LUZP1: variants seen among roughly 807,000 people sequenced by gnomAD.
LUZP1 encodes filamin mechanobinding actin cross-linking protein.
LUZP1 carries 25 observed loss-of-function variants against 71.3 expected under a neutral mutation model. The observed-to-expected ratio is 0.35, with a 90% CI of 0.26 to 0.49. The LOEUF is 0.49. Among genes scored for constraint, LUZP1 ranks in the 20% least tolerant of loss-of-function variants. The probability of loss-of-function intolerance (pLI) is 0.99; values close to 1 mark genes in which losing one functional copy is unlikely to be tolerated. For missense variants in LUZP1, 1,142 were observed against 1,300.8 expected (o/e 0.88, Z 1.88); for synonymous variants, 481 against 506.4 (o/e 0.95, Z 0.67).
chr1:23,165,359 CT>C (rs113145677), intron 2 of LUZP1, among the ~76,000 whole-genome samples: 726 of 140,360 alleles, frequency 5.2e-3, no homozygotes, highest in Admixed American at 5.1e-3. Flanking sequence ...CTCAATAAAG[CT>C]TTTTTTTTTT....
exon 5 of LUZP1, chr1:23,088,959 T>C (rs1339215388): frequency 1.2e-6 from 2 of 1,614,048 alleles, no homozygotes; most frequent in African/African-American, 2.7e-5. Context: ...TCGCCCAGAC[T>C]CTGGCAGCCC....
intron 2 of LUZP1, among the ~76,000 whole-genome samples, chr1:23,120,053 C>A (rs899369720): frequency 1.3e-5 from 2 of 151,922 alleles, no homozygotes; most frequent in African/African-American, 2.4e-5. Flanking sequence ...GCAAATCCTC[C>A]CCGCTCAGCT....
At chr1:23,162,335 T>C (rs1279571427) in intron 2 of LUZP1, among the ~76,000 whole-genome samples, 7 of 152,232 alleles carry the variant, frequency 4.6e-5, no homozygotes, top group African/African-American at 1.7e-4. Context: ...TACATGGGTA[T>C]ATTCAGTTTG....
chr1:23,123,269 G>C (rs923103011), intron 2 of LUZP1, among the ~76,000 whole-genome samples: 2 of 152,018 alleles, frequency 1.3e-5, no homozygotes, highest in Non-Finnish European at 2.9e-5. Flanking sequence ...CGAGGCGGGG[G>C]GATCCCGAGG....
rs938965704 is a variant in LUZP1 at position 23,161,387 on chromosome 1, T to C, written c.-226+7379A>G. Reference sequence around the variant, plus strand: ...ATAAGCTCAGGCATGAAGGCAGCCATGCAAAGAGCAGGGAAAAGAAGTGTT... The same window carrying C: ...ATAAGCTCAGGCATGAAGGCAGCCACGCAAAGAGCAGGGAAAAGAAGTGTT... On this transcript the variant is annotated intron_variant, in intron 2 of 4. Coordinates refer to ENST00000302291, the Ensembl canonical transcript of LUZP1. Among the ~76,000 whole-genome samples the C allele has an allele frequency of 2.0e-5, 3 of 152,136 alleles. No individual in the cohort carries two copies. In the South Asian group the frequency reaches 6.2e-4, roughly 32 times the overall value.
chr1:23,176,992 C>G (rs1265555534), intron 1 of LUZP1, among the ~76,000 whole-genome samples: 2 of 152,118 alleles, frequency 1.3e-5, no homozygotes, highest in African/African-American at 4.8e-5. Context: ...AGCAATCCTC[C>G]TGTCTCAGCC....
intron 3 of LUZP1, among the ~76,000 whole-genome samples, chr1:23,101,946 C>T (rs921212330): frequency 6.6e-6 from 1 of 152,084 alleles, no homozygotes; most frequent in Non-Finnish European, 1.5e-5. Context: ...ACAGATATAA[C>T]CAATCATAAA....
At chr1:23,177,515 C>T (rs1644589826) in exon 1 of LUZP1, 2 of 152,400 alleles carry the variant, frequency 1.3e-5, no homozygotes. Context: ...GCCTCAGCAT[C>T]TCACCACCCA....
At chr1:23,095,280 G>A (rs911137058) in intron 3 of LUZP1, among the ~76,000 whole-genome samples, 5 of 152,178 alleles carry the variant, frequency 3.3e-5, no homozygotes, top group Non-Finnish European at 7.4e-5. Flanking sequence ...TAAGTCCTAC[G>A]AAATTAAAAG....
exon 5 of LUZP1, chr1:23,086,128 G>C (rs1449740089): frequency 6.6e-6 from 1 of 152,278 alleles, no homozygotes; most frequent in Admixed American, 6.5e-5. Context: ...GACCCCTGAT[G>C]ATGAGGCCTG....
chr1:23,136,835 A>G (rs1644258199), intron 2 of LUZP1, among the ~76,000 whole-genome samples: 1 of 152,124 alleles, frequency 6.6e-6, no homozygotes, highest in Non-Finnish European at 1.5e-5. Context: ...GGAGAATGGC[A>G]TGAACCCGGG....
At chr1:23,168,074 GC>G (rs1644524508) in intron 2 of LUZP1, among the ~76,000 whole-genome samples, 1 of 150,124 alleles carries the variant, frequency 6.7e-6, no homozygotes, top group Non-Finnish European at 1.5e-5. Context: ...TCCCGGCCCA[GC>G]GGTCTGGCTG....
chr1:23,113,639 T>TG, intron 2 of LUZP1, among the ~76,000 whole-genome samples: 1 of 152,238 alleles, frequency 6.6e-6, no homozygotes, highest in South Asian at 2.1e-4. Flanking sequence ...CTCAGCACTT[T>TG]GGGTGGCCGA....
At chr1:23,148,685 C>G (rs1644360547) in intron 2 of LUZP1, among the ~76,000 whole-genome samples, 1 of 151,972 alleles carries the variant, frequency 6.6e-6, no homozygotes, top group African/African-American at 2.4e-5. Context: ...TGAAACCATG[C>G]TAAAATAAAA....
intron 2 of LUZP1, among the ~76,000 whole-genome samples, chr1:23,137,160 C>A (rs560891867): frequency 6.6e-6 from 1 of 152,264 alleles, no homozygotes; most frequent in East Asian, 1.9e-4. Context: ...AATCCTATAT[C>A]CAGTAAGAGA....
At chr1:23,154,239 T>A (rs1360286663) in intron 2 of LUZP1, among the ~76,000 whole-genome samples, 1 of 152,126 alleles carries the variant, frequency 6.6e-6, no homozygotes, top group South Asian at 2.1e-4. Flanking sequence ...AAATCTTGAT[T>A]GTGGTGGTGG....
chr1:23,146,465 T>C (rs1267209553), intron 2 of LUZP1, among the ~76,000 whole-genome samples: 2 of 152,234 alleles, frequency 1.3e-5, no homozygotes, highest in Non-Finnish European at 2.9e-5. Context: ...AGTGTCCTCA[T>C]GTGTAAAATA....
chr1:23,131,937 C>T (rs894558905), intron 2 of LUZP1, among the ~76,000 whole-genome samples: 4 of 152,162 alleles, frequency 2.6e-5, no homozygotes, highest in East Asian at 1.9e-4. Context: ...TCACCTACCT[C>T]GGCCTCCCAA....
Position 23,131,463 on chromosome 1 carries a change from C to T in LUZP1, c.-225-22336G>A, listed in dbSNP as rs118112856. Among the ~76,000 whole-genome samples the T allele has an allele frequency of 5.9e-5, 9 of 152,172 alleles. No individual in the cohort carries two copies. The East Asian group carries it at 1.7e-3, about 29-fold the overall frequency. On this transcript the variant is annotated intron_variant, in intron 2 of 4. Coordinates refer to ENST00000302291, the Ensembl canonical transcript of LUZP1. Reference sequence around the variant, plus strand: ...AATTATTCTGTTGATATGTTTACTACTTGTCTCTCCCAACTAGTATGTAAA... The same window carrying T: ...AATTATTCTGTTGATATGTTTACTATTTGTCTCTCCCAACTAGTATGTAAA...
Sources: allele counts gnomAD v4.1 joint callset (sites outside exome capture counted in the v4.1 genomes callset), GRCh38; gene constraint gnomAD v4.1.1; transcripts MANE v1.5; gene names NCBI Gene and HGNC (gene_info 2026-07-23, HGNC 2026-07-21).